Variants in RBM28 observed in about 807,000 individuals in gnomAD.
RBM28 encodes the protein RNA-binding protein 28.
In RBM28, 78 loss-of-function variants were observed where a neutral mutation model predicts 98.3. The ratio of observed to expected loss-of-function variants is 0.79; its 90% CI spans 0.66 to 0.96. RBM28 has a LOEUF of 0.96. RBM28 is among the 40% of genes least tolerant of loss of function. RBM28 has a pLI of 0.00. For synonymous variants in RBM28, 306 were observed against 330.9 expected (o/e 0.92, Z 0.82); for missense variants, 838 against 913.0 (o/e 0.92, Z 1.06).
chr7:128,307,718 C>G lies in RBM28; in HGVS notation c.*3079G>C, dbSNP rs1366821538. 2.3e-4 allele frequency: 35 copies of G among 152,224 alleles called. No individual in the cohort carries two copies. Among genetic ancestry groups the G allele is most frequent in the Admixed American group, 2.3e-3 (35 of 15,284 alleles). 9.4% of individuals were successfully genotyped at this position (152,224 alleles called of 1,614,324 possible). ...AAGATTCCTTATTTAAAGGTTGTAT[C>G]TCTAAGCCAGGCTATTATATAATCA... On this transcript the variant is annotated 3_prime_UTR_variant, in exon 19 of 19. Transcript: ENST00000223073.
chr7:128,337,323 G>A (rs1796622938), intron 5 of RBM28, 121 bp from the exon 6 acceptor site: 1 of 925,320 alleles, frequency 1.1e-6, no homozygotes, highest in Non-Finnish European at 1.7e-6. Context: ...TGCCAATTCA[G>A]GGAATGCTGG....
rs1216794544 is a variant in RBM28 at position 128,321,371 on chromosome 7, T to C, written c.1458A>G (p.Arg486=). ...GGAGATTGTGCAGGCAGAGCCTGGTTCGGGAGACAAAGATATTCTGGTCCT... is the reference window on the plus strand; with the variant it reads ...GGAGATTGTGCAGGCAGAGCCTGGTCCGGGAGACAAAGATATTCTGGTCCT... ...KLKDQNIFVS[R]TRLCLHNLPK... Residue 486 remains arginine (R), a synonymous_variant, in exon 14 of 19, where the codon CGA becomes CGG. Transcript: ENST00000223073. 3.7e-6 allele frequency: 6 copies of C among 1,614,076 alleles called. No individual in the cohort carries two copies. The highest frequency in any genetic ancestry group is 4.2e-6 in the Non-Finnish European group (5 of 1,180,032).
chr7:128,331,021 C>A (rs1184438435), intron 9 of RBM28, 93 bp from the exon 10 acceptor site: 2 of 858,804 alleles, frequency 2.3e-6, no homozygotes, highest in Admixed American at 1.9e-5. Flanking sequence ...GATATCAACT[C>A]TCCCTTGTTC....
At chr7:128,341,289 C>G in intron 1 of RBM28, 1 of 778,862 alleles carries the variant, frequency 1.3e-6, no homozygotes, top group Non-Finnish European at 1.8e-6. Context: ...TGCCCACTCA[C>G]CTTTCAGAAA....
At chr7:128,323,465 A>T (rs1796279941) in intron 13 of RBM28, 62 bp downstream of exon 13, 1 of 1,579,086 alleles carries the variant, frequency 6.3e-7, no homozygotes, top group Non-Finnish European at 8.7e-7. Flanking sequence ...AGCATTCGAT[A>T]ACTATTTTTG....
At chr7:128,343,606 C>T in intron 1 of RBM28, 70 bp downstream of exon 1, 1 of 1,130,496 alleles carries the variant, frequency 8.8e-7, no homozygotes, top group Non-Finnish European at 1.3e-6. Flanking sequence ...TGATACGGCT[C>T]CCTGAAGTTT....
chr7:128,308,991 A>AAAAAG lies in RBM28; in HGVS notation c.*1805_*1806insCTTTT, dbSNP rs1795922926. ...GACTGTCTCAAAAAAAAAAAAAAAA[A>AAAAAG]AGAAATAACCATATCTCTAGCTCAG... On this transcript the variant is annotated 3_prime_UTR_variant, in exon 19 of 19. Transcript: ENST00000223073. 1 of 151,916 alleles carries AAAAAG rather than the reference A, an allele frequency of 6.6e-6. No individual in the cohort carries two copies. Among genetic ancestry groups the AAAAAG allele is most frequent in the African/African-American group, 2.4e-5 (1 of 41,202 alleles). The allele number at this position is 151,916 out of a possible 1,614,324, so 9.4% of individuals were successfully genotyped here.
chr7:128,335,450 T>C, intron 8 of RBM28, 93 bp downstream of exon 8: 1 of 1,497,564 alleles, frequency 6.7e-7, no homozygotes, highest in South Asian at 1.2e-5. Context: ...TAGAGTCCTA[T>C]TTAAAAAGAG....
chr7:128,323,475 G>T, intron 13 of RBM28, 52 bp downstream of exon 13: 2 of 1,595,146 alleles, frequency 1.3e-6, no homozygotes, highest in Non-Finnish European at 8.6e-7. Flanking sequence ...AACTATTTTT[G>T]ATTGATTTAT....
chr7:128,299,985 T>C lies in RBM28; in HGVS notation c.*10812A>G, dbSNP rs1283868992. On this transcript the variant is annotated 3_prime_UTR_variant, in exon 19 of 19. Transcript: ENST00000223073. Reference sequence around the variant, plus strand: ...GAAATTCCTCATGAAGGAACCAACCTTGCCAACACTTTGATTTTAGACTTC... The same window carrying C: ...GAAATTCCTCATGAAGGAACCAACCCTGCCAACACTTTGATTTTAGACTTC... 1 of 152,232 alleles carries C rather than the reference T, an allele frequency of 6.6e-6. No individual in the cohort carries two copies. The highest frequency in any genetic ancestry group is 2.4e-5 in the African/African-American group (1 of 41,458). The allele number at this position is 152,232 out of a possible 1,614,324, so 9.4% of individuals were successfully genotyped here. A position where few individuals can be genotyped will look rare whatever the true frequency, so the allele number is the denominator to read the frequency against.
At chr7:128,312,984 G>A (rs1378054587) in intron 18 of RBM28, 191 bp downstream of exon 18, 5 of 622,348 alleles carry the variant, frequency 8.0e-6, no homozygotes, top group African/African-American at 7.4e-5. Flanking sequence ...CACAGGAACA[G>A]ATACGTGGAG....
intron 12 of RBM28, among the ~76,000 whole-genome samples, chr7:128,324,121 C>T (rs1403620594): frequency 6.6e-6 from 1 of 152,096 alleles, no homozygotes; most frequent in Non-Finnish European, 1.5e-5. Flanking sequence ...TGCTGTGTGA[C>T]CTAGAAGAAT....
rs182164243 is a variant in RBM28, at chr7:128,317,838, T to C, written c.1714-105A>G. 249 of 1,527,062 alleles carry C rather than the reference T, an allele frequency of 1.6e-4. 2 individuals are homozygous for C. In the East Asian group the frequency reaches 3.9e-3, roughly 24 times the overall value. The allele number at this position is 1,527,062 out of a possible 1,614,324, so 94.6% of individuals were successfully genotyped here. On this transcript the variant is annotated intron_variant, in intron 15 of 18. Transcript: ENST00000223073. ...ATCCTCCCCCAACCCACCTTTTTTT[T>C]GTCCACTTGCCACTGTTTCCCACCC...
intron 8 of RBM28, among the ~76,000 whole-genome samples, chr7:128,334,994 A>T (rs955150618): frequency 5.3e-5 from 8 of 152,216 alleles, no homozygotes; most frequent in African/African-American, 2.4e-5. Flanking sequence ...AGAGAGCTGC[A>T]CCCAAAATGA....
chr7:128,339,924 G>T, intron 1 of RBM28, 133 bp from the exon 2 acceptor site: 1 of 1,104,832 alleles, frequency 9.1e-7, no homozygotes, highest in Non-Finnish European at 1.3e-6. Context: ...CTTGCTATCA[G>T]TTTGCCAAAA....
intron 10 of RBM28, among the ~76,000 whole-genome samples, chr7:128,328,401 C>T (rs1796400059): frequency 6.6e-6 from 1 of 152,160 alleles, no homozygotes; most frequent in Non-Finnish European, 1.5e-5. Context: ...TAATACTTAG[C>T]TCTTCCAGGT....
chr7:128,328,986 T>C (rs1053044861), intron 10 of RBM28, among the ~76,000 whole-genome samples: 4 of 151,974 alleles, frequency 2.6e-5, no homozygotes, highest in Admixed American at 2.6e-4. Context: ...GCGGTCTTGT[T>C]CTGTCTCACA....
intron 1 of RBM28, chr7:128,341,364 TAA>T (rs1229204160): frequency 3.4e-5 from 11 of 323,086 alleles, no homozygotes; most frequent in Middle Eastern, 4.1e-4. Flanking sequence ...AGCTGAAATG[TAA>T]AAGAGTTTGA....
At chr7:128,340,985 C>T in intron 1 of RBM28, 1 of 392,976 alleles carries the variant, frequency 2.5e-6, no homozygotes, top group African/African-American at 2.1e-5. Context: ...ATATTAGGAC[C>T]AAGGAGATGA....
Sources: gnomAD v4.1 joint callset for allele counts (sites outside exome capture counted in the v4.1 genomes callset) on GRCh38, gnomAD v4.1.1 for gene constraint, MANE v1.5 for transcripts, NCBI Gene and HGNC (gene_info 2026-07-23, HGNC 2026-07-21) for gene names.